Variants in FGD3 observed in about 807,000 individuals in gnomAD.
FGD3 encodes the protein FYVE, RhoGEF and PH domain-containing protein 3.
Under a neutral mutation model 71.8 loss-of-function variants are expected in FGD3, and 45 were observed. The observed-to-expected ratio is 0.63, with a 90% CI of 0.49 to 0.80. The LOEUF is 0.80. FGD3 is among the 30% of genes least tolerant of loss of function. The pLI is 0.00. For missense variants in FGD3, 844 were observed against 951.5 expected (o/e 0.89, Z 1.49); for synonymous variants, 378 against 392.8 (o/e 0.96, Z 0.44).
At chr9:92,952,522 C>T (rs1307940998) in intron 1 of FGD3, among the ~76,000 whole-genome samples, 1 of 152,150 alleles carries the variant, frequency 6.6e-6, no homozygotes, top group Non-Finnish European at 1.5e-5. Flanking sequence ...CAGGTGTGAG[C>T]CACCGCGCCC....
chr9:93,027,557 T>C (rs1587870496), intron 14 of FGD3, among the ~76,000 whole-genome samples: 2 of 151,964 alleles, frequency 1.3e-5, no homozygotes, highest in South Asian at 4.1e-4. Flanking sequence ...TCTCCAAATA[T>C]AGTCACATTC....
In FGD3 at chr9:92,968,612, T is replaced by C. The variant is rs1057052081; in HGVS notation, c.-217-6626T>C. On this transcript the variant is annotated intron_variant, in intron 1 of 17. Transcript: ENST00000375482. The stretch of plus-strand genomic sequence containing the variant: ...CTTTTCTTTTTTCTTTCTTTCTTTT[T>C]TTTTTTTTTGACACGGAGTCTCACT... Among the ~76,000 whole-genome samples the C allele has an allele frequency of 2.0e-5, 3 of 149,754 alleles. 1 individual carries two copies. Among genetic ancestry groups the C allele is most frequent in the Admixed American group, 6.6e-5 (1 of 15,064 alleles).
At chr9:93,015,914 C>A in intron 10 of FGD3, 85 bp downstream of exon 10, 1 of 1,229,044 alleles carries the variant, frequency 8.1e-7, no homozygotes, top group Non-Finnish European at 1.2e-6. Context: ...GCCGCTGAGG[C>A]ACTCACCTCT....
chr9:92,966,592 T>C (rs1859335801), intron 1 of FGD3, among the ~76,000 whole-genome samples: 1 of 152,140 alleles, frequency 6.6e-6, no homozygotes, highest in South Asian at 2.1e-4. Context: ...CTGTGGGCCC[T>C]GCCCGGGGCC....
chr9:92,976,344 G>A lies in FGD3; in HGVS notation c.88G>A (p.Gly30Arg). The A allele has an allele frequency of 6.2e-7, 1 of 1,610,806 alleles. No homozygotes were observed. The highest frequency in any genetic ancestry group is 8.5e-7 in the Non-Finnish European group (1 of 1,179,146). Reference protein sequence around the residue: ...PDTGPGSSSLGKLQALPVGPR... With the variant: ...PDTGPGSSSLRKLQALPVGPR... ...CACTGGGCCTGGCAGTTCCTCCCTA[G>A]GGAAGCTTCAGGCGCTCCCTGTTGG... The change falls in exon 3 of 18, where the codon GGG becomes AGG. Residue 30 changes from glycine to arginine, a missense_variant. By Grantham distance (125) the Gly-to-Arg change is moderately radical (BLOSUM62 -2). Transcript: ENST00000375482.
At chr9:92,949,385 T>C (rs1427590852) in intron 1 of FGD3, among the ~76,000 whole-genome samples, 1 of 152,274 alleles carries the variant, frequency 6.6e-6, no homozygotes, top group African/African-American at 2.4e-5. Flanking sequence ...TCCATGACAG[T>C]GTCTGACAAG....
intron 5 of FGD3, among the ~76,000 whole-genome samples, chr9:93,004,460 T>G (rs1028665313): frequency 4.6e-5 from 7 of 152,240 alleles, no homozygotes; most frequent in Non-Finnish European, 8.8e-5. Context: ...TAGTTGGTTT[T>G]CTTTTCCCTC....
In FGD3 at chr9:93,032,882, TC is replaced by T; in HGVS notation, c.1785+12del. 1 of 1,611,222 alleles carries T rather than the reference TC, an allele frequency of 6.2e-7. No individual in the cohort carries two copies. The highest frequency in any genetic ancestry group is 1.1e-5 in the South Asian group (1 of 91,028). ...CCCCTGAGAGCACAGAGGTGGGTGC[TC>T]CCAGCTCCTGCTCCCCTCCTGGTGG... On this transcript the variant is annotated intron_variant, in intron 16 of 17. Transcript: ENST00000375482.
In FGD3 at chr9:93,004,226, G is replaced by A. The variant is rs931768993; in HGVS notation, c.680+89G>A. The A allele has an allele frequency of 9.8e-6, 15 of 1,536,544 alleles. No homozygotes were observed. In the African/African-American group the frequency reaches 1.6e-4, roughly 17 times the overall value. The stretch of plus-strand genomic sequence containing the variant: ...CCTGAGAGCGAGGCAAGTGCTGGGG[G>A]ACTGTCTCATGGTGGCTGGGCGCCT... On this transcript the variant is annotated intron_variant, in intron 5 of 17. Coordinates refer to ENST00000375482, the MANE Select transcript of FGD3 (RefSeq NM_001083536.2).
chr9:92,971,574 T>C (rs1340854847), intron 1 of FGD3, among the ~76,000 whole-genome samples: 18 of 130,472 alleles, frequency 1.4e-4, no homozygotes, highest in African/African-American at 5.0e-4. Context: ...TTCTTTTTTT[T>C]TTTTTTTTTT....
At chr9:93,031,904 G>T (rs1784585675) in intron 15 of FGD3, among the ~76,000 whole-genome samples, 1 of 152,058 alleles carries the variant, frequency 6.6e-6, no homozygotes, top group South Asian at 2.1e-4. Flanking sequence ...GGCAGAGAGA[G>T]ACAGGACCAC....
At chr9:93,021,522 C>T (rs542608217) in intron 13 of FGD3, among the ~76,000 whole-genome samples, 135 of 152,256 alleles carry the variant, frequency 8.9e-4, no homozygotes, top group African/African-American at 3.2e-3. Flanking sequence ...GGAAGTGTAG[C>T]AAGGACATAT....
At chr9:92,963,727 A>G (rs1859217209) in intron 1 of FGD3, among the ~76,000 whole-genome samples, 1 of 152,176 alleles carries the variant, frequency 6.6e-6, no homozygotes, top group Non-Finnish European at 1.5e-5. Flanking sequence ...CCCTAAAACA[A>G]TGAGGGTGCC....
intron 1 of FGD3, among the ~76,000 whole-genome samples, chr9:92,973,035 T>G (rs2118559665): frequency 6.6e-6 from 1 of 152,102 alleles, no homozygotes; most frequent in South Asian, 2.1e-4. Context: ...TTCCAACATC[T>G]GTGTTAGTTA....
chr9:92,980,105 C>T (rs1424976493), intron 3 of FGD3, among the ~76,000 whole-genome samples: 1 of 151,884 alleles, frequency 6.6e-6, no homozygotes, highest in African/African-American at 2.4e-5. Context: ...ACTGCAACCT[C>T]CACCTCCTGG....
rs1862411674 is a variant in FGD3, at chr9:93,032,904, G to A, written c.1785+31G>A. Reference sequence around the variant, plus strand: ...TGCTCCCAGCTCCTGCTCCCCTCCTGGTGGCGCGGCAGAGCCTCCAGACAC... The same window carrying A: ...TGCTCCCAGCTCCTGCTCCCCTCCTAGTGGCGCGGCAGAGCCTCCAGACAC... On this transcript the variant is annotated intron_variant, in intron 16 of 17. Transcript: ENST00000375482. 8 of 1,600,676 alleles carry A rather than the reference G, an allele frequency of 5.0e-6. No individual in the cohort carries two copies. The South Asian group carries it at 8.8e-5, about 18-fold the overall frequency.
intron 1 of FGD3, among the ~76,000 whole-genome samples, chr9:92,952,742 C>CT (rs1858979046): frequency 6.6e-6 from 1 of 150,946 alleles, no homozygotes; most frequent in Non-Finnish European, 1.5e-5. Context: ...TTTCTCTTTC[C>CT]TTCCCTTTTT....
At chr9:92,978,180 G>C (rs1051445502) in intron 3 of FGD3, among the ~76,000 whole-genome samples, 1 of 151,644 alleles carries the variant, frequency 6.6e-6, no homozygotes, top group Non-Finnish European at 1.5e-5. Flanking sequence ...TAATTGGGAG[G>C]CTGAGGCAGG....
At chr9:93,010,658 GAGAGAGGGATGGAGAA>G in intron 7 of FGD3, among the ~76,000 whole-genome samples, 1 of 112,896 alleles carries the variant, frequency 8.9e-6, no homozygotes, top group Admixed American at 8.6e-5. Context: ...AGGAGGGGGA[GAGAGAGGGATGGAGAA>G]ACAGACAGAG....
Sources: allele counts gnomAD v4.1 joint callset (sites outside exome capture counted in the v4.1 genomes callset), GRCh38; gene constraint gnomAD v4.1.1; transcripts MANE v1.5; gene names NCBI Gene and HGNC (gene_info 2026-07-23, HGNC 2026-07-21).